The following MSRA variants were observed in gnomAD, a reference collection of about 807,000 sequenced individuals.
The protein encoded by MSRA is methionine sulfoxide reductase A.
Under a neutral mutation model 31.3 loss-of-function variants are expected in MSRA, and 54 were observed. The ratio of observed to expected loss-of-function variants is 1.73; its 90% CI spans 1.39 to 2.17. MSRA has a LOEUF of 2.17. Among genes scored for constraint, MSRA ranks in the 30% most tolerant of loss-of-function variants. The probability of loss-of-function intolerance (pLI) is 0.00; values close to 1 mark genes in which losing one functional copy is unlikely to be tolerated. For missense variants in MSRA, 507 were observed against 300.9 expected (o/e 1.69, Z -5.07); for synonymous variants, 169 against 116.5 (o/e 1.45, Z -2.90).
intron 5 of MSRA, among the ~76,000 whole-genome samples, chr8:10,364,173 A>T (rs1805025314): frequency 6.6e-6 from 1 of 152,224 alleles, no homozygotes. Context: ...TGTTCTGGCC[A>T]GAACACCTGA....
chr8:10,296,657 C>T (rs1173835097), intron 3 of MSRA, among the ~76,000 whole-genome samples: 1 of 152,206 alleles, frequency 6.6e-6, no homozygotes, highest in African/African-American at 2.4e-5. Flanking sequence ...GTGCCAGGCA[C>T]TAATCACCCA....
intron 5 of MSRA, among the ~76,000 whole-genome samples, chr8:10,385,991 A>G (rs993684933): frequency 1.3e-5 from 2 of 152,162 alleles, no homozygotes; most frequent in East Asian, 3.9e-4. Context: ...TTCCTTCATC[A>G]TAACCCATTC....
At chr8:10,273,865 C>T (rs1799174486) in intron 3 of MSRA, among the ~76,000 whole-genome samples, 1 of 152,084 alleles carries the variant, frequency 6.6e-6, no homozygotes, top group African/African-American at 2.4e-5. Flanking sequence ...CTCGAGCCAA[C>T]AGTGGGATTT....
intron 4 of MSRA, among the ~76,000 whole-genome samples, chr8:10,314,402 A>G (rs1169383555): frequency 1.3e-5 from 2 of 152,138 alleles, no homozygotes; most frequent in Non-Finnish European, 2.9e-5. Context: ...ATAAAATGAT[A>G]ATTAACGTTA....
intron 3 of MSRA, among the ~76,000 whole-genome samples, chr8:10,254,902 C>G (rs1798097768): frequency 6.6e-6 from 1 of 152,208 alleles, no homozygotes; most frequent in African/African-American, 2.4e-5. Context: ...TGGATGTGAT[C>G]TACAGAAACA....
chr8:10,107,396 C>T (rs1648460183), intron 1 of MSRA, among the ~76,000 whole-genome samples: 1 of 152,016 alleles, frequency 6.6e-6, no homozygotes, highest in Non-Finnish European at 1.5e-5. Context: ...TTCTGACCTC[C>T]TGAGAAATAG....
At chr8:10,124,056 G>A (rs1422281579) in intron 1 of MSRA, among the ~76,000 whole-genome samples, 2 of 151,976 alleles carry the variant, frequency 1.3e-5, no homozygotes, top group Non-Finnish European at 2.9e-5. Flanking sequence ...TGCAGAGGTC[G>A]AGGGGCTTCT....
intron 1 of MSRA, among the ~76,000 whole-genome samples, chr8:10,146,934 C>G (rs1803193328): frequency 6.6e-6 from 1 of 152,194 alleles, no homozygotes; most frequent in Non-Finnish European, 1.5e-5. Flanking sequence ...TTGGCACATT[C>G]ACACTATTGT....
At chr8:10,141,544 C>T (rs796159651) in intron 1 of MSRA, among the ~76,000 whole-genome samples, 21 of 152,340 alleles carry the variant, frequency 1.4e-4, no homozygotes, top group African/African-American at 5.1e-4. Flanking sequence ...ACTCAGAGAA[C>T]ACACAGAAGC....
chr8:10,308,622 T>G (rs550399360), intron 4 of MSRA, among the ~76,000 whole-genome samples: 16 of 152,372 alleles, frequency 1.1e-4, no homozygotes, highest in African/African-American at 2.9e-4. Flanking sequence ...TGGGATTACC[T>G]GATTGGCACT....
At chr8:10,190,753 G>A (rs970320965) in intron 1 of MSRA, among the ~76,000 whole-genome samples, 10 of 152,206 alleles carry the variant, frequency 6.6e-5, no homozygotes, top group African/African-American at 2.2e-4. Context: ...TATCTGAGTT[G>A]AGACTTCTGT....
At chr8:10,146,438 G>A (rs1803153750) in intron 1 of MSRA, among the ~76,000 whole-genome samples, 2 of 152,152 alleles carry the variant, frequency 1.3e-5, no homozygotes, top group African/African-American at 4.8e-5. Flanking sequence ...CTCTTGCATC[G>A]GTAGAGAACT....
chr8:10,207,454 G>A (rs1809095734), intron 1 of MSRA, among the ~76,000 whole-genome samples: 1 of 152,208 alleles, frequency 6.6e-6, no homozygotes, highest in African/African-American at 2.4e-5. Context: ...TTAGGAGTCT[G>A]CAGGGGGACT....
chr8:10,231,954 A>C (rs1390462563), intron 2 of MSRA, among the ~76,000 whole-genome samples: 2 of 152,270 alleles, frequency 1.3e-5, no homozygotes, highest in East Asian at 3.9e-4. Flanking sequence ...GGAAAGCGTG[A>C]AGTGTATACT....
At chr8:10,198,791 C>G (rs535314966) in intron 1 of MSRA, among the ~76,000 whole-genome samples, 1 of 152,006 alleles carries the variant, frequency 6.6e-6, no homozygotes, top group Non-Finnish European at 1.5e-5. Flanking sequence ...GCCTGGCTAA[C>G]TTATTTATTT....
intron 4 of MSRA, among the ~76,000 whole-genome samples, chr8:10,303,773 G>T (rs577400204): frequency 6.6e-6 from 1 of 152,182 alleles, no homozygotes; most frequent in Non-Finnish European, 1.5e-5. Flanking sequence ...GAGATCCTCC[G>T]TCAGGAACCT....
rs377005083 is a variant in MSRA at position 10,405,798 on chromosome 8, C to T, written c.544-22350C>T. On this transcript the variant is annotated intron_variant, in intron 5 of 5. Transcript: ENST00000317173. ...ATGTGCTCACACATGTAATCACATA[C>T]ACACATGCTCGCGTACACCCATGTG... Among the ~76,000 whole-genome samples the T allele has an allele frequency of 2.2e-4, 33 of 152,158 alleles. 1 individual carries two copies. In the East Asian group the frequency reaches 5.5e-3, roughly 25 times the overall value.
Position 10,389,100 on chromosome 8 carries a change from A to G in MSRA, c.544-39048A>G, listed in dbSNP as rs1337915907. Among the ~76,000 whole-genome samples, 3 of 152,160 alleles carry G rather than the reference A, an allele frequency of 2.0e-5. No homozygotes were observed. The East Asian group carries it at 5.8e-4, about 29-fold the overall frequency. On this transcript the variant is annotated intron_variant, in intron 5 of 5. Coordinates refer to ENST00000317173, the MANE Select transcript of MSRA (RefSeq NM_012331.5). ...ATCACCAAGGTCTGATTTTTCACAAAAAATTCGTAACCTCCGGCATGAATG... is the reference window on the plus strand; with the variant it reads ...ATCACCAAGGTCTGATTTTTCACAAGAAATTCGTAACCTCCGGCATGAATG...
intron 5 of MSRA, among the ~76,000 whole-genome samples, chr8:10,382,539 T>A (rs1806134999): frequency 6.6e-6 from 1 of 152,198 alleles, no homozygotes; most frequent in Non-Finnish European, 1.5e-5. Context: ...TACACCTGCC[T>A]CTCATTTGGA....
Sources: gnomAD v4.1 joint callset for allele counts (sites outside exome capture counted in the v4.1 genomes callset) on GRCh38, gnomAD v4.1.1 for gene constraint, MANE v1.5 for transcripts, NCBI Gene and HGNC (gene_info 2026-07-23, HGNC 2026-07-21) for gene names.